Variants in GRAMD1B observed in about 807,000 individuals in gnomAD.
GRAMD1B encodes the protein GRAM domain containing 1B, also known as protein Aster-B.
Under a neutral mutation model 99.7 loss-of-function variants are expected in GRAMD1B, and 37 were observed. That is an observed-to-expected ratio of 0.37 (90% confidence interval 0.29 to 0.49). The LOEUF (loss-of-function observed/expected upper bound fraction) is 0.49. GRAMD1B is among the 20% of genes least tolerant of loss of function. GRAMD1B has a pLI of 0.98. For missense variants in GRAMD1B, 888 were observed against 1,009.2 expected, an observed-to-expected ratio of 0.88 and a Z score of 1.63; for synonymous variants, 427 against 387.6, an observed-to-expected ratio of 1.10 and a Z score of -1.19.
rs1322567746 is a variant in GRAMD1B at position 123,548,313 on chromosome 11, T to TACACACAC, written c.453-29053_453-29052insCACACACA. On this transcript the variant is annotated intron_variant, in intron 2 of 19. Transcript: ENST00000635736. ...CAAAATATATATATATATATATATATATATATATATATACACACACACACA... is the reference window on the plus strand; with the variant it reads ...CAAAATATATATATATATATATATATACACACACATATATATATATACACACACACACA... Among the ~76,000 whole-genome samples, 15 of 85,492 alleles carry TACACACAC rather than the reference T, an allele frequency of 1.8e-4. No individual in the cohort carries two copies. In the East Asian group the frequency reaches 3.6e-3, roughly 21 times the overall value. The allele number at this position is 85,492 out of a possible 152,430, so 56.1% of individuals were successfully genotyped here.
intron 1 of GRAMD1B, among the ~76,000 whole-genome samples, chr11:123,439,604 G>C (rs1031560459): frequency 4.1e-4 from 63 of 152,232 alleles, no homozygotes; most frequent in African/African-American, 1.3e-3. Context: ...ATGTCCTCAA[G>C]CTGGGATGAG....
chr11:123,376,190 A>G (rs577282666), intron 1 of GRAMD1B, among the ~76,000 whole-genome samples: 1 of 152,322 alleles, frequency 6.6e-6, no homozygotes, highest in East Asian at 1.9e-4. Flanking sequence ...TGTTAGAAAA[A>G]TGTTTAAAAG....
At chr11:123,467,699 A>G (rs1950760351) in intron 1 of GRAMD1B, among the ~76,000 whole-genome samples, 1 of 152,178 alleles carries the variant, frequency 6.6e-6, no homozygotes. Flanking sequence ...TGGTGGAAAC[A>G]TGGATGGATG....
chr11:123,443,108 G>A (rs565346969), intron 1 of GRAMD1B, among the ~76,000 whole-genome samples: 83 of 152,234 alleles, frequency 5.5e-4, no homozygotes, highest in South Asian at 1.7e-3. Context: ...AACTTACTGC[G>A]AATGTAGTCC....
intron 1 of GRAMD1B, among the ~76,000 whole-genome samples, chr11:123,450,208 C>T (rs1355960717): frequency 1.3e-5 from 2 of 152,082 alleles, no homozygotes; most frequent in East Asian, 1.9e-4. Context: ...GGTTTTTTTC[C>T]CCACCAAAGA....
rs149683575 is a variant in GRAMD1B, at chr11:123,464,653, G to A, written c.375-16163G>A. 4.6e-3 allele frequency among the ~76,000 whole-genome samples: 693 copies of A among 152,242 alleles called. 9 individuals carry two copies. The highest frequency in any genetic ancestry group is 0.016 in the African/African-American group (662 of 41,532). On this transcript the variant is annotated intron_variant, in intron 1 of 19. Coordinates refer to ENST00000635736, the MANE Select transcript of GRAMD1B (RefSeq NM_001387025.1). ...GAATCCAGGATCAATGAGGGAATGG[G>A]AACCTTTTTCTTTTCTTAAAAAGTT...
intron 1 of GRAMD1B, among the ~76,000 whole-genome samples, chr11:123,445,814 TC>T (rs1212485356): frequency 2.5e-5 from 2 of 78,940 alleles, no homozygotes; most frequent in Non-Finnish European, 4.7e-5. Context: ...GTGACACTTG[TC>T]TCCAAAAAAA....
intron 2 of GRAMD1B, among the ~76,000 whole-genome samples, chr11:123,555,979 C>T (rs1480738974): frequency 6.6e-6 from 1 of 152,192 alleles, no homozygotes; most frequent in East Asian, 1.9e-4. Flanking sequence ...GGTGATCCAC[C>T]TGCCTCGGCC....
intron 2 of GRAMD1B, among the ~76,000 whole-genome samples, chr11:123,542,739 G>A (rs1290819): frequency 0.068 from 10,406 of 152,132 alleles, 419 homozygotes; most frequent in East Asian, 0.15. Flanking sequence ...TGCAACCTCC[G>A]CCTCCTGGGT....
rs142010589 is a variant in GRAMD1B, at chr11:123,456,353, T to C, written c.375-24463T>C. ...ACATTCTTGTTCTCTAAGGGCAGCA[T>C]TGGTGTTGTGGAAAGAGCCCCGAGA... On this transcript the variant is annotated intron_variant, in intron 1 of 19. Coordinates refer to ENST00000635736, the MANE Select transcript of GRAMD1B (RefSeq NM_001387025.1). Among the ~76,000 whole-genome samples the C allele has an allele frequency of 1.7e-3, 250 of 148,312 alleles. 7 individuals are homozygous for C. Among genetic ancestry groups the C allele is most frequent in the East Asian group, 8.0e-3 (39 of 4,874 alleles).
At chr11:123,548,106 C>A (rs150325769) in intron 2 of GRAMD1B, among the ~76,000 whole-genome samples, 66 of 151,646 alleles carry the variant, frequency 4.4e-4, no homozygotes, top group African/African-American at 1.5e-3. Flanking sequence ...GCCATGTTAT[C>A]AATGACGTGA....
chr11:123,602,594 C>T (rs1952123107), intron 8 of GRAMD1B, among the ~76,000 whole-genome samples: 1 of 152,112 alleles, frequency 6.6e-6, no homozygotes, highest in Admixed American at 6.5e-5. Context: ...ATCCCTGCCA[C>T]CTTCTCCCCT....
In GRAMD1B at chr11:123,625,966, G is replaced by GAA. The variant is rs1457127869; in HGVS notation, c.*3372_*3373insAA. ...AGAGAGAGAGAGAGAGAGAGAGAGA[G>GAA]AGAGAGAGAGAGAGATCGAGCTTGA... On this transcript the variant is annotated 3_prime_UTR_variant, in exon 20 of 20. Transcript: ENST00000635736. 1.4e-5 allele frequency: 2 copies of GAA among 147,588 alleles called. No individual in the cohort carries two copies. The highest frequency in any genetic ancestry group is 4.9e-5 in the African/African-American group (2 of 40,964). 9.1% of individuals were successfully genotyped at this position (147,588 alleles called of 1,614,324 possible). A position where few individuals can be genotyped will look rare whatever the true frequency, so the allele number is the denominator to read the frequency against.
intron 1 of GRAMD1B, among the ~76,000 whole-genome samples, chr11:123,382,835 C>T (rs921871584): frequency 6.6e-6 from 1 of 152,148 alleles, no homozygotes; most frequent in Non-Finnish European, 1.5e-5. Flanking sequence ...GAGCTGTGGC[C>T]TTGGGTGCAG....
At chr11:123,361,211 T>A (rs1157175042) in intron 1 of GRAMD1B, among the ~76,000 whole-genome samples, 1 of 152,200 alleles carries the variant, frequency 6.6e-6, no homozygotes, top group Non-Finnish European at 1.5e-5. Flanking sequence ...TCCTTGCAGA[T>A]TAGCTCACTG....
chr11:123,623,312 T>C lies in GRAMD1B; in HGVS notation c.*717T>C, dbSNP rs1241491901. Reference sequence around the variant, plus strand: ...GGACCCAGTAAGGGCTGGGAATTTCTTACTTTCCCACCCGCTTTCTCTCTG... The same window carrying C: ...GGACCCAGTAAGGGCTGGGAATTTCCTACTTTCCCACCCGCTTTCTCTCTG... On this transcript the variant is annotated 3_prime_UTR_variant, in exon 20 of 20. Transcript: ENST00000635736. 1 of 152,016 alleles carries C rather than the reference T, an allele frequency of 6.6e-6. No homozygotes were observed. Among genetic ancestry groups the C allele is most frequent in the African/African-American group, 2.4e-5 (1 of 41,266 alleles). The allele number at this position is 152,016 out of a possible 1,614,324, so 9.4% of individuals were successfully genotyped here. A position where few individuals can be genotyped will look rare whatever the true frequency, so the allele number is the denominator to read the frequency against.
At chr11:123,359,491 A>T (rs2135663434) in intron 1 of GRAMD1B, among the ~76,000 whole-genome samples, 1 of 152,154 alleles carries the variant, frequency 6.6e-6, no homozygotes, top group Admixed American at 6.5e-5. Flanking sequence ...TAGAGCCCAA[A>T]CAACTTGTTT....
intron 1 of GRAMD1B, among the ~76,000 whole-genome samples, chr11:123,399,119 A>T (rs1947567618): frequency 6.6e-6 from 1 of 152,168 alleles, no homozygotes; most frequent in Non-Finnish European, 1.5e-5. Flanking sequence ...GGCAAACAAC[A>T]TTCTATTCTC....
chr11:123,527,539 G>A (rs1359112796), intron 2 of GRAMD1B, among the ~76,000 whole-genome samples: 1 of 152,100 alleles, frequency 6.6e-6, no homozygotes, highest in Non-Finnish European at 1.5e-5. Context: ...CTTACATTTA[G>A]TCCTTGCTTT....
Sources: allele counts gnomAD v4.1 joint callset (sites outside exome capture counted in the v4.1 genomes callset), GRCh38; gene constraint gnomAD v4.1.1; transcripts MANE v1.5; gene names NCBI Gene and HGNC (gene_info 2026-07-23, HGNC 2026-07-21).